Variants in SORCS2 observed in about 807,000 individuals in gnomAD.
SORCS2 encodes the protein sortilin related VPS10 domain containing receptor 2, also known as VPS10 domain-containing receptor SorCS2.
Under a neutral mutation model 141.6 loss-of-function variants are expected in SORCS2, and 100 were observed. That is an observed-to-expected ratio of 0.71 (90% CI 0.60 to 0.83). The LOEUF is 0.83. SORCS2 is among the 40% of genes least tolerant of loss of function. SORCS2 has a pLI of 0.00. For synonymous variants in SORCS2, 789 were observed against 676.9 expected (o/e 1.17, Z -2.57); for missense variants, 1,646 against 1,560.2 (o/e 1.05, Z -0.93).
At chr4:7,532,600 G>T (rs1711753542) in intron 3 of SORCS2, among the ~76,000 whole-genome samples, 1 of 152,200 alleles carries the variant, frequency 6.6e-6, no homozygotes, top group Non-Finnish European at 1.5e-5. Context: ...GTGTTTCGAT[G>T]GTTGCGCTGG....
intron 2 of SORCS2, among the ~76,000 whole-genome samples, chr4:7,445,608 C>A (rs757941077): frequency 1.3e-5 from 2 of 151,990 alleles, no homozygotes; most frequent in Non-Finnish European, 2.9e-5. Context: ...CAGAACAGGG[C>A]GGGATGGAGG....
chr4:7,727,517 G>A (rs1452583517), intron 21 of SORCS2, among the ~76,000 whole-genome samples: 2 of 152,034 alleles, frequency 1.3e-5, no homozygotes, highest in Admixed American at 1.3e-4. Context: ...AGCCTCTACT[G>A]TGGACAGCAG....
chr4:7,290,250 C>CAGA (rs1716518030), intron 1 of SORCS2, among the ~76,000 whole-genome samples: 1 of 152,146 alleles, frequency 6.6e-6, no homozygotes, highest in African/African-American at 2.4e-5. Flanking sequence ...ACACAGCGCC[C>CAGA]GTCTACCTGG....
In SORCS2 at chr4:7,435,188, C is replaced by T. The variant is rs568532554; in HGVS notation, c.548+38833C>T. 3.9e-5 allele frequency among the ~76,000 whole-genome samples: 6 copies of T among 152,278 alleles called. No individual in the cohort carries two copies. In the East Asian group the frequency reaches 9.6e-4, roughly 24 times the overall value. On this transcript the variant is annotated intron_variant, in intron 2 of 26. Transcript: ENST00000507866. ...CTCCTGGCCCCTGGGCTGTGTCCCC[C>T]ACCCTCCCCCTGCTGCAGTAGTTCC...
At chr4:7,641,932 A>C (rs926801830) in intron 4 of SORCS2, among the ~76,000 whole-genome samples, 8 of 144,922 alleles carry the variant, frequency 5.5e-5, no homozygotes, top group African/African-American at 2.1e-4. Flanking sequence ...ATGGATGGAT[A>C]GATGATGGAT....
intron 2 of SORCS2, among the ~76,000 whole-genome samples, chr4:7,520,727 C>A (rs1011136429): frequency 1.3e-5 from 2 of 152,322 alleles, no homozygotes; most frequent in East Asian, 1.9e-4. Context: ...TTGCCGCCAG[C>A]CCTCTCCGCC....
chr4:7,234,637 C>T (rs1712135902), intron 1 of SORCS2, among the ~76,000 whole-genome samples: 1 of 152,166 alleles, frequency 6.6e-6, no homozygotes, highest in Non-Finnish European at 1.5e-5. Context: ...TAGGCGGCCT[C>T]CCTGGCCATT....
In SORCS2 at chr4:7,314,425, C is replaced by T. The variant is rs60533239; in HGVS notation, c.481-81863C>T. On this transcript the variant is annotated intron_variant, in intron 1 of 26. Transcript: ENST00000507866. ...CGTGATCTTGACTCCCTGCAAGCGT[C>T]GTCTCCTGGGTTCACGCCATTCTCC... is the stretch of plus-strand genomic sequence containing the variant. Among the ~76,000 whole-genome samples the T allele has an allele frequency of 4.8e-3, 725 of 150,476 alleles. 12 individuals carry two copies. Among genetic ancestry groups the T allele is most frequent in the African/African-American group, 0.016 (664 of 40,576 alleles).
At chr4:7,543,819 TCTAC>T (rs1712973641) in intron 3 of SORCS2, among the ~76,000 whole-genome samples, 18 of 14,590 alleles carry the variant, frequency 1.2e-3, no homozygotes, top group Admixed American at 2.6e-3. Flanking sequence ...CATCCATCCA[TCTAC>T]CCATCTGTCC....
intron 24 of SORCS2, among the ~76,000 whole-genome samples, 170 bp from the exon 25 acceptor site, chr4:7,734,102 T>G (rs1040723271): frequency 9.9e-6 from 1 of 100,606 alleles, no homozygotes; most frequent in Non-Finnish European, 1.9e-5. Flanking sequence ...GGGGAGGGAA[T>G]GGGAATGGGC....
At chr4:7,340,004 G>C (rs540924579) in intron 1 of SORCS2, among the ~76,000 whole-genome samples, 1 of 152,230 alleles carries the variant, frequency 6.6e-6, no homozygotes, top group Non-Finnish European at 1.5e-5. Context: ...GGGCTTGTCC[G>C]GGGTCAGAGA....
rs567192626 is a variant in SORCS2 at position 7,349,799 on chromosome 4, G to C, written c.481-46489G>C. ...GGAGAACTGTTGGACTGGACGCTCT[G>C]TTGTTTCTTTACAGCTCAGCTGTGA... On this transcript the variant is annotated intron_variant, in intron 1 of 26. Coordinates refer to ENST00000507866, the MANE Select transcript of SORCS2 (RefSeq NM_020777.3). 6.6e-5 allele frequency among the ~76,000 whole-genome samples: 10 copies of C among 152,302 alleles called. No homozygotes were observed. In the South Asian group the frequency reaches 1.2e-3, roughly 19 times the overall value.
intron 3 of SORCS2, among the ~76,000 whole-genome samples, chr4:7,630,742 G>A (rs1005288483): frequency 6.6e-6 from 1 of 152,196 alleles, no homozygotes; most frequent in Admixed American, 6.5e-5. Flanking sequence ...TCAGATCCGG[G>A]GGTGGAGGCT....
intron 1 of SORCS2, among the ~76,000 whole-genome samples, chr4:7,277,466 G>A (rs1454646988): frequency 6.6e-6 from 1 of 152,166 alleles, no homozygotes; most frequent in Non-Finnish European, 1.5e-5. Flanking sequence ...GCCCAGTAAG[G>A]TAACCAGGAG....
In SORCS2 at chr4:7,575,094, G is replaced by A. The variant is rs574413635; in HGVS notation, c.648+43465G>A. Among the ~76,000 whole-genome samples, 5 of 152,296 alleles carry A rather than the reference G, an allele frequency of 3.3e-5. No individual in the cohort carries two copies. The South Asian group carries it at 8.3e-4, about 25-fold the overall frequency. On this transcript the variant is annotated intron_variant, in intron 3 of 26. Coordinates refer to ENST00000507866, the MANE Select transcript of SORCS2 (RefSeq NM_020777.3). Reference sequence around the variant, plus strand: ...GGCGGTGGGAGGACTGGGGCTCCACGTGGCCCTCTGGGCTTCATTGCCATA... The same window carrying A: ...GGCGGTGGGAGGACTGGGGCTCCACATGGCCCTCTGGGCTTCATTGCCATA...
At chr4:7,631,047 CTTTT>C (rs11356756) in intron 3 of SORCS2, among the ~76,000 whole-genome samples, 148 of 131,382 alleles carry the variant, frequency 1.1e-3, no homozygotes, top group East Asian at 2.0e-3. Flanking sequence ...TTTTCCTTTT[CTTTT>C]TTTTTTTTTT....
chr4:7,332,764 A>G (rs1719733750), intron 1 of SORCS2, among the ~76,000 whole-genome samples: 1 of 152,152 alleles, frequency 6.6e-6, no homozygotes, highest in African/African-American at 2.4e-5. Flanking sequence ...CTGCCTGTGG[A>G]TGACATGACC....
intron 1 of SORCS2, among the ~76,000 whole-genome samples, chr4:7,315,058 C>A (rs1718470169): frequency 6.6e-6 from 1 of 152,068 alleles, no homozygotes; most frequent in Non-Finnish European, 1.5e-5. Context: ...GTCTCGAACT[C>A]CTGACCTTAG....
intron 1 of SORCS2, among the ~76,000 whole-genome samples, chr4:7,360,425 A>G (rs978665084): frequency 5.3e-5 from 8 of 151,806 alleles, no homozygotes; most frequent in African/African-American, 1.9e-4. Context: ...ACCTCCCATG[A>G]CCGGAGCTTA....
Sources: gnomAD v4.1 joint callset for allele counts (sites outside exome capture counted in the v4.1 genomes callset) on GRCh38, gnomAD v4.1.1 for gene constraint, MANE v1.5 for transcripts, NCBI Gene and HGNC (gene_info 2026-07-23, HGNC 2026-07-21) for gene names.